Variants in MAPK10 observed in about 807,000 individuals in gnomAD.
MAPK10 encodes the protein JNK3 alpha protein kinase.
In MAPK10, 25 loss-of-function variants were observed where a neutral mutation model predicts 59.3. The observed-to-expected ratio is 0.42, with a 90% CI of 0.31 to 0.59. The LOEUF (loss-of-function observed/expected upper bound fraction) is 0.59, where lower values mean the gene tolerates loss of function less well. Among genes scored for constraint, MAPK10 ranks in the 20% least tolerant of loss-of-function variants. The pLI is 0.15. For missense variants in MAPK10, 351 were observed against 568.9 expected, an observed-to-expected ratio of 0.62 and a Z score of 3.90; for synonymous variants, 190 against 200.5, an observed-to-expected ratio of 0.95 and a Z score of 0.44.
At chr4:86,299,605 T>C (rs1197418743) in intron 2 of MAPK10, among the ~76,000 whole-genome samples, 2 of 152,130 alleles carry the variant, frequency 1.3e-5, no homozygotes, top group Admixed American at 1.3e-4. Context: ...CTACCCAGTC[T>C]ATGGTAGTTT....
chr4:86,169,252 G>C (rs933194683), intron 3 of MAPK10, among the ~76,000 whole-genome samples: 1 of 152,056 alleles, frequency 6.6e-6, no homozygotes, highest in African/African-American at 2.4e-5. Context: ...GGCTACAGAC[G>C]ATCAAACTAC....
intron 2 of MAPK10, among the ~76,000 whole-genome samples, chr4:86,317,409 TG>T (rs1209104593): frequency 6.6e-6 from 1 of 152,198 alleles, no homozygotes; most frequent in Non-Finnish European, 1.5e-5. Flanking sequence ...ACTTAAATAC[TG>T]TATTTCTAGG....
At chr4:86,136,133 T>C (rs2062020765) in intron 4 of MAPK10, among the ~76,000 whole-genome samples, 1 of 152,130 alleles carries the variant, frequency 6.6e-6, no homozygotes, top group African/African-American at 2.4e-5. Context: ...CCAGGAGAAC[T>C]TCCCCAGTCT....
At chr4:86,076,805 AAT>A (rs1196434535) in intron 9 of MAPK10, among the ~76,000 whole-genome samples, 1 of 152,220 alleles carries the variant, frequency 6.6e-6, no homozygotes, top group Non-Finnish European at 1.5e-5. Flanking sequence ...TAACATGGTA[AAT>A]ATGTTTTTAA....
In MAPK10 at chr4:86,460,507, T is replaced by G. The variant is rs141819987; in HGVS notation, c.-262-105863A>C. Among the ~76,000 whole-genome samples the G allele has an allele frequency of 6.1e-3, 922 of 152,300 alleles. 7 individuals are homozygous for G. Among genetic ancestry groups the G allele is most frequent in the African/African-American group, 0.02 (824 of 41,556 alleles). ...GAAGAAAAAGGATGGAACCACCAAT[T>G]AATGCCAATAGTGTAATGCTGGGAA... On this transcript the variant is annotated intron_variant, in intron 1 of 4. Coordinates refer to the MAPK10 transcript ENST00000502302.
intron 1 of MAPK10, among the ~76,000 whole-genome samples, chr4:86,507,656 ATATATATATATATAT>A (rs1564963899): frequency 4.6e-5 from 4 of 87,722 alleles, no homozygotes; most frequent in African/African-American, 1.6e-4. Context: ...ATATATATAT[ATATATATATATATAT>A]AAAATCATGT....
At chr4:86,426,989 G>A (rs974323997) in intron 1 of MAPK10, among the ~76,000 whole-genome samples, 4 of 151,978 alleles carry the variant, frequency 2.6e-5, no homozygotes, top group Non-Finnish European at 5.9e-5. Flanking sequence ...CGGGCGCAGT[G>A]ACTCACGCCT....
intron 1 of MAPK10, among the ~76,000 whole-genome samples, chr4:86,492,934 A>G (rs565146666): frequency 5.3e-5 from 8 of 152,224 alleles, no homozygotes; most frequent in Non-Finnish European, 1.2e-4. Context: ...CCGTAATTCT[A>G]TATTTGAGTC....
intron 1 of MAPK10, among the ~76,000 whole-genome samples, chr4:86,441,435 C>A (rs182230652): frequency 1.3e-5 from 2 of 152,164 alleles, no homozygotes; most frequent in Non-Finnish European, 2.9e-5. Context: ...TTTTGCATTG[C>A]GTAGTTACAG....
rs1045410594 is a variant in MAPK10, at chr4:86,347,103, C to G, written c.-7+7427G>C. ...AGGATTTAAAGCACTAACAAACCACCTGGGCCCTCCAAAAGTACAAATAGA... is the reference window on the plus strand; with the variant it reads ...AGGATTTAAAGCACTAACAAACCACGTGGGCCCTCCAAAAGTACAAATAGA... On this transcript the variant is annotated intron_variant, in intron 2 of 13. Coordinates refer to ENST00000641462, the MANE Select transcript of MAPK10 (RefSeq NM_138982.4). Among the ~76,000 whole-genome samples the G allele has an allele frequency of 4.6e-5, 7 of 152,240 alleles. No homozygotes were observed. In the East Asian group the frequency reaches 1.4e-3, roughly 29 times the overall value.
intron 10 of MAPK10, among the ~76,000 whole-genome samples, chr4:86,065,846 A>G (rs1283116119): frequency 6.6e-6 from 1 of 152,248 alleles, no homozygotes; most frequent in African/African-American, 2.4e-5. Flanking sequence ...CAAAAAATCA[A>G]CATAGATGAC....
chr4:86,437,341 T>C (rs1366567279), intron 1 of MAPK10, among the ~76,000 whole-genome samples: 1 of 152,218 alleles, frequency 6.6e-6, no homozygotes, highest in Non-Finnish European at 1.5e-5. Context: ...TATTATAGTT[T>C]ATCAAATGCT....
chr4:86,250,289 C>A (rs919896633), intron 2 of MAPK10, among the ~76,000 whole-genome samples: 3 of 152,108 alleles, frequency 2.0e-5, no homozygotes, highest in Admixed American at 1.3e-4. Context: ...ATCACAGAGG[C>A]AAGTGGCTGG....
chr4:86,398,261 G>C (rs1743239624), intron 1 of MAPK10, among the ~76,000 whole-genome samples: 1 of 151,774 alleles, frequency 6.6e-6, no homozygotes, highest in African/African-American at 2.4e-5. Context: ...AAGAAAAAAG[G>C]CCCAAGGATC....
At chr4:86,089,153 G>A in intron 9 of MAPK10, 1 of 1,360,426 alleles carries the variant, frequency 7.4e-7, no homozygotes, top group South Asian at 1.2e-5. Context: ...GAGACAAAAG[G>A]GAATTAATTG....
intron 2 of MAPK10, among the ~76,000 whole-genome samples, chr4:86,232,375 AT>A (rs528181092): frequency 0.042 from 6,098 of 143,900 alleles, 123 homozygotes; most frequent in African/African-American, 0.047. Flanking sequence ...AATAGAATCA[AT>A]TTTTTTTTTT....
At chr4:86,522,244 G>A (rs897464260) in intron 1 of MAPK10, among the ~76,000 whole-genome samples, 1 of 152,172 alleles carries the variant, frequency 6.6e-6, no homozygotes, top group African/African-American at 2.4e-5. Context: ...CAATTAAAGA[G>A]TCACTCCTTG....
At chr4:86,340,045 T>G (rs1480299551) in intron 2 of MAPK10, among the ~76,000 whole-genome samples, 1 of 152,164 alleles carries the variant, frequency 6.6e-6, no homozygotes, top group Non-Finnish European at 1.5e-5. Flanking sequence ...AGAATCAAGC[T>G]CTTAACTACT....
intron 2 of MAPK10, among the ~76,000 whole-genome samples, chr4:86,219,140 TTGTC>T (rs759571636): frequency 6.6e-6 from 1 of 152,090 alleles, no homozygotes; most frequent in African/African-American, 2.4e-5. Context: ...ATAGTTTTCT[TTGTC>T]TTTCTTTTTT....
Sources: gnomAD v4.1 joint callset for allele counts (sites outside exome capture counted in the v4.1 genomes callset) on GRCh38, gnomAD v4.1.1 for gene constraint, MANE v1.5 for transcripts, NCBI Gene and HGNC (gene_info 2026-07-23, HGNC 2026-07-21) for gene names.